The following TAF1B variants were observed in gnomAD, a reference collection of about 807,000 sequenced individuals.
The protein encoded by TAF1B is TATA-box binding protein associated factor, RNA polymerase I subunit B, also known as TATA box-binding protein-associated factor RNA polymerase I subunit B.
Under a neutral mutation model 83.9 loss-of-function variants are expected in TAF1B, and 61 were observed. The observed-to-expected ratio is 0.73, with a 90% confidence interval of 0.59 to 0.90. TAF1B has a LOEUF of 0.90. Ranked by LOEUF, TAF1B falls within the 40% of genes least tolerant of loss-of-function variation. The pLI, the probability that TAF1B is intolerant of heterozygous loss-of-function variation, is 0.00. For synonymous variants in TAF1B, 221 were observed against 224.6 expected (o/e 0.98, Z 0.14); for missense variants, 625 against 677.0 (o/e 0.92, Z 0.85).
rs775626545 is a variant in TAF1B, at chr2:9,911,538, T to A, written c.1161T>A (p.His387Gln). 2.0e-6 allele frequency: 3 copies of A among 1,525,560 alleles called. No individual in the cohort carries two copies. The highest frequency in any genetic ancestry group is 2.7e-6 in the Non-Finnish European group (3 of 1,130,500). 94.5% of individuals were successfully genotyped at this position (1,525,560 alleles called of 1,614,324 possible). A position where few individuals can be genotyped will look rare whatever the true frequency, so the allele number is the denominator to read the frequency against. The change falls in exon 11 of 15, where the codon CAT (histidine) becomes CAA (glutamine). Residue 387 changes from histidine to glutamine, a missense_variant. Coordinates refer to ENST00000263663, the MANE Select transcript of TAF1B (RefSeq NM_005680.3). ...EWSLSNLAEK[H>Q]NEKNKKDKPW... Reference sequence around the variant, plus strand: ...CTTTGTCTAATCTTGCTGAAAAGCATAATGAAAAGAACAAAAAAGGTATTT... The same window carrying A: ...CTTTGTCTAATCTTGCTGAAAAGCAAAATGAAAAGAACAAAAAAGGTATTT...
intron 8 of TAF1B, among the ~76,000 whole-genome samples, chr2:9,887,454 GTCT>G (rs1664714425): frequency 6.6e-6 from 1 of 152,022 alleles, no homozygotes; most frequent in Admixed American, 6.6e-5. Flanking sequence ...ACAGTATTTT[GTCT>G]TCTTGATAAA....
At chr2:9,895,701 T>A (rs1474532964) in intron 8 of TAF1B, among the ~76,000 whole-genome samples, 1 of 152,188 alleles carries the variant, frequency 6.6e-6, no homozygotes, top group Non-Finnish European at 1.5e-5. Flanking sequence ...TCCTTTGTTA[T>A]GGAGAGTCTT....
rs1208211569 is a variant in TAF1B, at chr2:9,914,760, CA to C, written c.1271+1513del. On this transcript the variant is annotated intron_variant, in intron 12 of 14. Coordinates refer to ENST00000263663, the MANE Select transcript of TAF1B (RefSeq NM_005680.3). The surrounding 1 kb of genome is among the most constrained non-coding windows in gnomAD (Gnocchi z 4.3). ...GGAGGCTGTCGAGGGGACCCGTTTC[CA>C]AGGTCCTTCTTCCTAGAGTATGTGC... 6.6e-6 allele frequency among the ~76,000 whole-genome samples: 1 copy of C among 152,110 alleles called. No homozygotes were observed. Among genetic ancestry groups the C allele is most frequent in the African/African-American group, 2.4e-5 (1 of 41,416 alleles).
At chr2:9,910,354 C>T (rs1025615539) in intron 9 of TAF1B, among the ~76,000 whole-genome samples, 8 of 152,132 alleles carry the variant, frequency 5.3e-5, no homozygotes, top group African/African-American at 1.7e-4. Flanking sequence ...AGTGTGCTAG[C>T]CAGGATGCCA....
intron 8 of TAF1B, among the ~76,000 whole-genome samples, chr2:9,891,590 A>G (rs930827751): frequency 1.3e-5 from 2 of 152,222 alleles, no homozygotes; most frequent in Admixed American, 1.3e-4. Flanking sequence ...ATTAAAAAAA[A>G]GTTAACAGCC....
chr2:9,880,780 C>T (rs1664479807), intron 7 of TAF1B, among the ~76,000 whole-genome samples: 1 of 152,044 alleles, frequency 6.6e-6, no homozygotes, highest in Admixed American at 6.6e-5. Flanking sequence ...GTGAAGACTA[C>T]ATAAATAATG....
At chr2:9,888,463 G>C (rs1298873853) in intron 8 of TAF1B, among the ~76,000 whole-genome samples, 1 of 151,880 alleles carries the variant, frequency 6.6e-6, no homozygotes, top group Non-Finnish European at 1.5e-5. Context: ...ATTTCTTGTA[G>C]TACAGTTCTG....
intron 6 of TAF1B, among the ~76,000 whole-genome samples, chr2:9,872,625 G>T (rs997716629): frequency 6.6e-6 from 1 of 152,092 alleles, no homozygotes; most frequent in African/African-American, 2.4e-5. Flanking sequence ...AGGTTTACAT[G>T]TTTAAAAAAT....
intron 5 of TAF1B, among the ~76,000 whole-genome samples, chr2:9,862,653 A>G (rs1663813400): frequency 1.3e-5 from 2 of 152,210 alleles, no homozygotes; most frequent in Admixed American, 1.3e-4. Flanking sequence ...CAGATTCACC[A>G]AAGTTGAAAT....
chr2:9,923,476 C>T (rs1161740743), intron 14 of TAF1B, among the ~76,000 whole-genome samples: 2 of 152,004 alleles, frequency 1.3e-5, no homozygotes, highest in East Asian at 3.9e-4. Context: ...GTCTGGAGTT[C>T]GAGACCAGCC....
intron 12 of TAF1B, among the ~76,000 whole-genome samples, chr2:9,917,916 C>T (rs1665732467): frequency 1.3e-5 from 2 of 151,554 alleles, no homozygotes; most frequent in African/African-American, 4.8e-5. Flanking sequence ...ACTAAAAATA[C>T]AAAAAATTAG....
intron 14 of TAF1B, among the ~76,000 whole-genome samples, chr2:9,926,992 G>A (rs1233120747): frequency 2.0e-5 from 3 of 149,588 alleles, no homozygotes; most frequent in Non-Finnish European, 3.0e-5. Context: ...ATTTACATTA[G>A]GTATTTCTCC....
At chr2:9,850,258 T>G (rs910898179) in intron 3 of TAF1B, among the ~76,000 whole-genome samples, 3 of 152,198 alleles carry the variant, frequency 2.0e-5, no homozygotes, top group African/African-American at 4.8e-5. Flanking sequence ...TAAACATGCA[T>G]TTCTTAAGGA....
rs140827635 is a variant in TAF1B, at chr2:9,852,086, C to A, written c.303+448C>A. On this transcript the variant is annotated intron_variant, in intron 4 of 14. Transcript: ENST00000263663. The stretch of plus-strand genomic sequence containing the variant: ...TTGGACAGCGATATGCTAAACCAGT[C>A]GTTCACCTGAGTGCATCAGAATCAC... 72 of 466,728 alleles carry A rather than the reference C, an allele frequency of 1.5e-4. No individual in the cohort carries two copies. The East Asian group carries it at 4.7e-3, about 30-fold the overall frequency. 28.9% of individuals were successfully genotyped at this position (466,728 alleles called of 1,614,324 possible).
intron 2 of TAF1B, 140 bp downstream of exon 2, chr2:9,845,458 T>G: frequency 9.6e-6 from 6 of 626,830 alleles, no homozygotes; most frequent in Non-Finnish European, 1.4e-5. Context: ...GCATGTGGTC[T>G]TAGGTACTTA....
chr2:9,873,896 T>C (rs1339225761), intron 6 of TAF1B, among the ~76,000 whole-genome samples: 2 of 152,086 alleles, frequency 1.3e-5, no homozygotes, highest in African/African-American at 4.8e-5. Flanking sequence ...CTCCCGTAAC[T>C]CCATTCTTCC....
At chr2:9,848,495 C>G (rs1351930473) in intron 2 of TAF1B, among the ~76,000 whole-genome samples, 4 of 152,016 alleles carry the variant, frequency 2.6e-5, no homozygotes, top group South Asian at 2.1e-4. Context: ...GGAGAAACCT[C>G]GTCTCTACTA....
At chr2:9,843,600 C>T in intron 1 of TAF1B, 41 bp downstream of exon 1, 1 of 1,477,130 alleles carries the variant, frequency 6.8e-7, no homozygotes, top group Non-Finnish European at 9.0e-7. Flanking sequence ...ATCGCCGGGG[C>T]CGGAGGAGAG....
intron 7 of TAF1B, 94 bp from the exon 8 acceptor site, chr2:9,882,612 C>G (rs1664544330): frequency 4.4e-6 from 3 of 674,636 alleles, no homozygotes; most frequent in Non-Finnish European, 7.0e-6. Context: ...CTAATTCTTA[C>G]CTTGTCTTTG....
Sources: allele counts gnomAD v4.1 joint callset (sites outside exome capture counted in the v4.1 genomes callset), GRCh38; gene constraint gnomAD v4.1.1; non-coding constraint Gnocchi (gnomAD v3.1); transcripts MANE v1.5; gene names NCBI Gene and HGNC (gene_info 2026-07-23, HGNC 2026-07-21).